The following NYAP2 variants were observed in gnomAD, a reference collection of about 807,000 sequenced individuals.
The protein encoded by NYAP2 is neuronal tyrosine-phosphorylated phosphoinositide-3-kinase adapter 2.
A neutral mutation model predicts 50.4 loss-of-function variants in NYAP2; 23 were observed. The observed-to-expected ratio is 0.46, with a 90% CI of 0.33 to 0.65. NYAP2 has a LOEUF of 0.65. NYAP2 is among the 30% of genes least tolerant of loss of function. The pLI, the probability that NYAP2 is intolerant of heterozygous loss-of-function variation, is 0.02. For missense variants in NYAP2, 885 were observed against 861.0 expected, an observed-to-expected ratio of 1.03 and a Z score of -0.35; for synonymous variants, 394 against 365.2, an observed-to-expected ratio of 1.08 and a Z score of -0.90.
chr2:225,644,365 C>A (rs1158054428), intron 6 of NYAP2, among the ~76,000 whole-genome samples: 4 of 150,496 alleles, frequency 2.7e-5, no homozygotes, highest in African/African-American at 7.3e-5. Context: ...GAGTAGGTTG[C>A]GAAAATTTTC....
chr2:225,456,223 A>C (rs1300666423), intron 3 of NYAP2, among the ~76,000 whole-genome samples: 1 of 152,212 alleles, frequency 6.6e-6, no homozygotes, highest in Non-Finnish European at 1.5e-5. Context: ...AGTGAATTTG[A>C]GTCACCCTTG....
the NYAP2 span, among the ~76,000 whole-genome samples, chr2:225,668,264 T>A: frequency 1.3e-5 from 2 of 152,122 alleles, no homozygotes; most frequent in African/African-American, 4.8e-5. Context: ...AGATTTGAGT[T>A]CACCATGCTT....
the NYAP2 span, chr2:225,698,876 TG>T: frequency 6.6e-6 from 1 of 151,614 alleles, no homozygotes; most frequent in Non-Finnish European, 1.5e-5. Flanking sequence ...TTAACTGGTT[TG>T]TTATCTCTTT....
intron 3 of NYAP2, among the ~76,000 whole-genome samples, chr2:225,513,158 T>C (rs1374236506): frequency 1.3e-5 from 2 of 152,214 alleles, no homozygotes; most frequent in African/African-American, 2.4e-5. Flanking sequence ...ATAAGTGTTC[T>C]ATGCAGTATT....
At chr2:225,584,231 T>C (rs1282133115) in intron 5 of NYAP2, among the ~76,000 whole-genome samples, 2 of 152,202 alleles carry the variant, frequency 1.3e-5, no homozygotes, top group Admixed American at 6.5e-5. Flanking sequence ...ATTTTCCTTT[T>C]AAAAGCCATG....
At chr2:225,689,609 G>A in the NYAP2 span, among the ~76,000 whole-genome samples, 1 of 152,064 alleles carries the variant, frequency 6.6e-6, no homozygotes, top group Admixed American at 6.6e-5. Flanking sequence ...TTTAGACATG[G>A]GAAATAAATA....
chr2:225,604,297 A>G (rs989582189), intron 5 of NYAP2, among the ~76,000 whole-genome samples: 1 of 152,178 alleles, frequency 6.6e-6, no homozygotes, highest in African/African-American at 2.4e-5. Context: ...GAAGTTTTGT[A>G]CGTTTCCTTT....
chr2:225,458,108 A>C (rs1420279099), intron 3 of NYAP2, among the ~76,000 whole-genome samples: 1 of 152,146 alleles, frequency 6.6e-6, no homozygotes, highest in African/African-American at 2.4e-5. Flanking sequence ...TTAAGGAGTC[A>C]TTGAAGAAAA....
intron 3 of NYAP2, among the ~76,000 whole-genome samples, chr2:225,458,495 A>C (rs1689775191): frequency 6.6e-6 from 1 of 152,238 alleles, no homozygotes; most frequent in Non-Finnish European, 1.5e-5. Context: ...ATTTTATTTT[A>C]ATAGACTATA....
intron 3 of NYAP2, among the ~76,000 whole-genome samples, chr2:225,478,642 G>A (rs1349094049): frequency 3.3e-5 from 5 of 152,006 alleles, no homozygotes; most frequent in Non-Finnish European, 5.9e-5. Flanking sequence ...TTGGCAACGT[G>A]ACCTTAAATT....
At chr2:225,566,828 G>A (rs977564200) in intron 4 of NYAP2, among the ~76,000 whole-genome samples, 3 of 152,100 alleles carry the variant, frequency 2.0e-5, no homozygotes, top group Non-Finnish European at 4.4e-5. Context: ...TGGACTTCTA[G>A]TGTTTGATTG....
Position 225,582,924 on chromosome 2 carries a change from C to G in NYAP2, c.1507C>G (p.Arg503Gly). 6.2e-7 allele frequency: 1 copy of G among 1,612,914 alleles called. No homozygotes were observed. The highest frequency in any genetic ancestry group is 2.2e-5 in the East Asian group (1 of 44,862). ...CTACGGGGCAGCCCCGGGTGGCTCC[C>G]GGTCCCGGACACCCACGAGCCCGCT... The change falls in exon 5 of 7, where the codon CGG becomes GGG. Residue 503 changes from arginine to glycine, a missense_variant. Arg to Gly is a moderately radical substitution (Grantham distance 125). Coordinates refer to ENST00000636099, the Ensembl canonical transcript of NYAP2. This position sits in a 1 kb window ranked among gnomAD's most constrained non-coding sequence, Gnocchi z 7.0.
At chr2:225,535,591 T>C (rs1355337818) in intron 4 of NYAP2, among the ~76,000 whole-genome samples, 1 of 152,140 alleles carries the variant, frequency 6.6e-6, no homozygotes, top group African/African-American at 2.4e-5. Context: ...ATCCTATGGC[T>C]TTGAGATTTA....
At chr2:225,527,356 G>A (rs912627774) in intron 4 of NYAP2, among the ~76,000 whole-genome samples, 1 of 152,150 alleles carries the variant, frequency 6.6e-6, no homozygotes, top group East Asian at 1.9e-4. Context: ...ACCTCTATTA[G>A]TTCACAGTTT....
At chr2:225,411,657 T>C (rs972448988) in intron 3 of NYAP2, among the ~76,000 whole-genome samples, 1 of 151,700 alleles carries the variant, frequency 6.6e-6, no homozygotes, top group East Asian at 1.9e-4. Flanking sequence ...ATTGCTCATA[T>C]GATAGGAACA....
chr2:225,655,049 T>C (rs1303442249), downstream of NYAP2, among the ~76,000 whole-genome samples: 3 of 152,192 alleles, frequency 2.0e-5, no homozygotes, highest in South Asian at 2.1e-4. Context: ...CTGGGGCCAA[T>C]AGTGACAGCC....
At chr2:225,400,716 C>G (rs1280089925) in exon 2 of NYAP2, 2 of 152,140 alleles carry the variant, frequency 1.3e-5, no homozygotes, top group Non-Finnish European at 2.9e-5. Flanking sequence ...GCTATGCCCT[C>G]TTTTCTCCGA....
intron 5 of NYAP2, among the ~76,000 whole-genome samples, chr2:225,608,678 T>C (rs955426643): frequency 2.0e-5 from 3 of 152,132 alleles, no homozygotes; most frequent in Non-Finnish European, 4.4e-5. Flanking sequence ...TTTGTGGGCT[T>C]TAACTTGCTT....
intron 3 of NYAP2, among the ~76,000 whole-genome samples, chr2:225,419,595 A>G (rs1249274891): frequency 6.6e-6 from 1 of 152,226 alleles, no homozygotes; most frequent in Non-Finnish European, 1.5e-5. Flanking sequence ...GGAAATAACA[A>G]TCTTCATTTT....
Sources: allele counts gnomAD v4.1 joint callset (sites outside exome capture counted in the v4.1 genomes callset), GRCh38; gene constraint gnomAD v4.1.1; non-coding constraint Gnocchi (gnomAD v3.1); transcripts MANE v1.5; gene names NCBI Gene and HGNC (gene_info 2026-07-23, HGNC 2026-07-21).